NCKAP5: variants seen among roughly 807,000 people sequenced by gnomAD.
NCKAP5 encodes the protein NCK associated protein 5, also known as nck-associated protein 5.
A neutral mutation model predicts 167.0 loss-of-function variants in NCKAP5; 92 were observed. That is an observed-to-expected ratio of 0.55 (90% CI 0.47 to 0.66). The LOEUF is 0.66. NCKAP5 is among the 30% of genes least tolerant of loss of function. The pLI is 0.00. For synonymous variants in NCKAP5, 891 were observed against 877.4 expected, an observed-to-expected ratio of 1.02 and a Z score of -0.27; for missense variants, 2,378 against 2,315.0, an observed-to-expected ratio of 1.03 and a Z score of -0.56.
At chr2:132,700,331 A>G (rs960982370) in intron 19 of NCKAP5, among the ~76,000 whole-genome samples, 13 of 151,902 alleles carry the variant, frequency 8.6e-5, no homozygotes, top group Non-Finnish European at 1.8e-4. Flanking sequence ...TAGTTTAATT[A>G]GATCCCATTT....
intron 2 of NCKAP5, among the ~76,000 whole-genome samples, chr2:133,521,633 C>T (rs1474368789): frequency 6.6e-6 from 1 of 152,214 alleles, no homozygotes; most frequent in African/African-American, 2.4e-5. Flanking sequence ...TGTGTCCTCA[C>T]ATGGCCTTTG....
Position 133,303,020 on chromosome 2 carries a change from A to T in NCKAP5, c.143+17T>A. 6.3e-7 allele frequency: 1 copy of T among 1,578,080 alleles called. No homozygotes were observed. The highest frequency in any genetic ancestry group is 8.7e-7 in the Non-Finnish European group (1 of 1,155,224). On this transcript the variant is annotated intron_variant, in intron 4 of 19. Coordinates refer to ENST00000409261, the MANE Select transcript of NCKAP5 (RefSeq NM_207363.3). ...ATGCTACCTGAGCAAGCAAATAAGA[A>T]CATGAATTGAACTCACCTCCAGAGA...
chr2:132,753,884 C>T (rs1680316329), intron 16 of NCKAP5, among the ~76,000 whole-genome samples: 2 of 152,308 alleles, frequency 1.3e-5, no homozygotes, highest in South Asian at 4.2e-4. Flanking sequence ...AGCCATATCT[C>T]TTTGCCCAAA....
chr2:133,392,212 T>A (rs1195693824), intron 3 of NCKAP5, among the ~76,000 whole-genome samples: 1 of 152,252 alleles, frequency 6.6e-6, no homozygotes, highest in Non-Finnish European at 1.5e-5. Flanking sequence ...TGTATGTTTT[T>A]ATGTTTAAAT....
chr2:133,619,467 A>G, the NCKAP5 span, among the ~76,000 whole-genome samples: 4 of 151,988 alleles, frequency 2.6e-5, no homozygotes, highest in African/African-American at 9.7e-5. Context: ...TCAGCAATAG[A>G]TCGAACAAGC....
At chr2:133,371,566 G>A (rs1444494981) in intron 3 of NCKAP5, among the ~76,000 whole-genome samples, 2 of 152,232 alleles carry the variant, frequency 1.3e-5, no homozygotes, top group Non-Finnish European at 2.9e-5. Context: ...TAGTCACAGT[G>A]TCTGGCACAG....
At chr2:133,664,218 G>A in the NCKAP5 span, among the ~76,000 whole-genome samples, 1 of 151,998 alleles carries the variant, frequency 6.6e-6, no homozygotes, top group African/African-American at 2.4e-5. Flanking sequence ...AGTAAGTCAT[G>A]CTATAAACAG....
chr2:133,120,185 T>G (rs555742661), intron 6 of NCKAP5, among the ~76,000 whole-genome samples: 1 of 152,276 alleles, frequency 6.6e-6, no homozygotes, highest in African/African-American at 2.4e-5. Context: ...TGAAACACAG[T>G]TTAATGAAAA....
chr2:132,894,925 G>A (rs1693022170), intron 8 of NCKAP5, among the ~76,000 whole-genome samples: 1 of 152,172 alleles, frequency 6.6e-6, no homozygotes, highest in Non-Finnish European at 1.5e-5. Flanking sequence ...GGGTAAAGCA[G>A]TGTCTAAGTG....
intron 3 of NCKAP5, among the ~76,000 whole-genome samples, chr2:133,500,070 G>C (rs965556471): frequency 1.3e-5 from 2 of 152,070 alleles, no homozygotes; most frequent in African/African-American, 2.4e-5. Flanking sequence ...GAGTCATCTT[G>C]AGGGGAAAAC....
chr2:133,432,980 G>A (rs945903702), intron 3 of NCKAP5, among the ~76,000 whole-genome samples: 5 of 152,046 alleles, frequency 3.3e-5, no homozygotes, highest in Non-Finnish European at 5.9e-5. Context: ...AGAATTAATG[G>A]GTCAAAGAAT....
chr2:133,094,882 G>A (rs945000412), intron 6 of NCKAP5, among the ~76,000 whole-genome samples: 2 of 152,044 alleles, frequency 1.3e-5, no homozygotes, highest in South Asian at 2.1e-4. Context: ...CATGTGCCAC[G>A]GAATGCAGAT....
intron 8 of NCKAP5, among the ~76,000 whole-genome samples, chr2:132,943,214 C>T (rs1467929888): frequency 1.3e-5 from 2 of 152,216 alleles, no homozygotes; most frequent in Non-Finnish European, 2.9e-5. Context: ...CCTATCTTTC[C>T]ATTCAAGGCT....
Position 133,447,234 on chromosome 2 carries a change from A to C in NCKAP5, c.69+70224T>G, listed in dbSNP as rs989987776. On this transcript the variant is annotated intron_variant, in intron 3 of 19. Transcript: ENST00000409261. The stretch of plus-strand genomic sequence containing the variant: ...ATTGCCATAGACCCTAGAGGGGCTC[A>C]ATATTGATGGGAAACATTCATGTGC... Among the ~76,000 whole-genome samples, 26 of 152,150 alleles carry C rather than the reference A, an allele frequency of 1.7e-4. 1 individual carries two copies. Among genetic ancestry groups the C allele is most frequent in the African/African-American group, 5.6e-4 (23 of 41,436 alleles).
chr2:132,880,490 C>T (rs746093198), intron 8 of NCKAP5, among the ~76,000 whole-genome samples: 3 of 152,006 alleles, frequency 2.0e-5, no homozygotes, highest in Non-Finnish European at 4.4e-5. Flanking sequence ...ATTAACCGGG[C>T]TTGGTGGTGC....
chr2:133,335,413 T>C (rs1298749244), intron 3 of NCKAP5, among the ~76,000 whole-genome samples: 3 of 152,202 alleles, frequency 2.0e-5, no homozygotes. Flanking sequence ...ACCTTTTGCT[T>C]TCCTTTAGTT....
At chr2:133,122,570 A>G (rs1173955217) in intron 6 of NCKAP5, 2 of 152,224 alleles carry the variant, frequency 1.3e-5, no homozygotes, top group African/African-American at 4.8e-5. Flanking sequence ...ATATGTTCAC[A>G]GCAGAGTATC....
At chr2:133,146,586 C>T (rs2083205866) in intron 5 of NCKAP5, among the ~76,000 whole-genome samples, 1 of 152,084 alleles carries the variant, frequency 6.6e-6, no homozygotes. Flanking sequence ...CTTAATACAA[C>T]CTTCCAGTGA....
At chr2:133,376,441 G>T (rs1686150342) in intron 3 of NCKAP5, among the ~76,000 whole-genome samples, 1 of 151,976 alleles carries the variant, frequency 6.6e-6, no homozygotes, top group Non-Finnish European at 1.5e-5. Flanking sequence ...AAGTTTTTTT[G>T]CTTCTACATT....
Sources: allele counts gnomAD v4.1 joint callset (sites outside exome capture counted in the v4.1 genomes callset), GRCh38; gene constraint gnomAD v4.1.1; transcripts MANE v1.5; gene names NCBI Gene and HGNC (gene_info 2026-07-23, HGNC 2026-07-21).